Variants in DOT1L observed in about 807,000 individuals in gnomAD.
DOT1L encodes the protein DOT1 like histone lysine methyltransferase.
Under a neutral mutation model 153.3 loss-of-function variants are expected in DOT1L, and 33 were observed. The observed-to-expected ratio is 0.22, with a 90% CI of 0.16 to 0.29. The LOEUF (loss-of-function observed/expected upper bound fraction) is 0.29. Ranked by LOEUF, DOT1L falls within the 10% of genes least tolerant of loss-of-function variation. The pLI is 1.00. For synonymous variants in DOT1L, 1,135 were observed against 965.1 expected, an observed-to-expected ratio of 1.18 and a Z score of -3.26; for missense variants, 1,847 against 2,119.9, an observed-to-expected ratio of 0.87 and a Z score of 2.53.
At chr19:2,165,980 C>T (rs2019903286) in intron 1 of DOT1L, among the ~76,000 whole-genome samples, 1 of 152,178 alleles carries the variant, frequency 6.6e-6, no homozygotes, top group East Asian at 1.9e-4. Flanking sequence ...CCGTGTTAGC[C>T]AGGATGGTCT....
At position 2,220,153 on chromosome 19, in the gene DOT1L, A is replaced by T. The variant is rs367745383; in HGVS notation, c.2737A>T (p.Thr913Ser). The change falls in exon 23 of 28, where the codon ACA (threonine) becomes TCA (serine). Residue 913 changes from threonine to serine, a missense_variant. This residue lies in a region of DOT1L where 68 missense variants were observed against 80.7 expected (regional missense o/e 0.84). Coordinates refer to ENST00000398665, the MANE Select transcript of DOT1L (RefSeq NM_032482.3). This position sits in a 1 kb window ranked among gnomAD's most constrained non-coding sequence, Gnocchi z 4.5. ...PVLQPRDPSSTLEKQIGANAH... is the reference protein window; with the variant it reads ...PVLQPRDPSSSLEKQIGANAH... ...GCTGCAGCCCCGTGACCCCTCGTCC[A>T]CACTTGAAAAGCAGATTGGTGCTAA... is the stretch of plus-strand genomic sequence containing the variant. 5.6e-6 allele frequency: 9 copies of T among 1,613,466 alleles called. No homozygotes were observed. Among genetic ancestry groups the T allele is most frequent in the Non-Finnish European group, 7.6e-6 (9 of 1,179,852 alleles).
At chr19:2,173,282 C>T (rs991385485) in intron 1 of DOT1L, among the ~76,000 whole-genome samples, 4 of 152,166 alleles carry the variant, frequency 2.6e-5, no homozygotes, top group African/African-American at 4.8e-5. Flanking sequence ...GCTAGAGGGT[C>T]GGTGTCTGTC....
chr19:2,202,746 C>A lies in DOT1L; in HGVS notation c.754C>A (p.Gln252Lys), dbSNP rs2023339907. The change falls in exon 9 of 28, where the codon CAG becomes AAG. Residue 252 changes from glutamine to lysine, a missense_variant. This residue lies in a region of DOT1L where 148 missense variants were observed against 422.3 expected (regional missense o/e 0.35). Transcript: ENST00000398665. ...NFAFGPEVDHQLKERFANMKE... is the reference protein window; with the variant it reads ...NFAFGPEVDHKLKERFANMKE... The stretch of plus-strand genomic sequence containing the variant: ...TGCCTTTGGTCCTGAGGTGGATCAC[C>A]AGCTGAAGGAGCGGTTTGCAAACAT... The A allele has an allele frequency of 6.2e-7, 1 of 1,614,200 alleles. No individual in the cohort carries two copies. Among genetic ancestry groups the A allele is most frequent in the Non-Finnish European group, 8.5e-7 (1 of 1,180,032 alleles).
chr19:2,205,511 G>A (rs1045608696), intron 9 of DOT1L, among the ~76,000 whole-genome samples: 1 of 152,172 alleles, frequency 6.6e-6, no homozygotes, highest in Non-Finnish European at 1.5e-5. Context: ...GAGGCTGAAG[G>A]TGTCCATCCG....
intron 27 of DOT1L, chr19:2,228,915 C>A: frequency 1.0e-6 from 1 of 985,434 alleles, no homozygotes; most frequent in Non-Finnish European, 1.2e-6. Flanking sequence ...CATAGGGAGC[C>A]AGTGAAGCCC....
At chr19:2,179,076 G>C (rs544812496) in intron 1 of DOT1L, among the ~76,000 whole-genome samples, 1 of 152,250 alleles carries the variant, frequency 6.6e-6, no homozygotes, top group East Asian at 1.9e-4. Context: ...GGAAAGCTGG[G>C]GGGGGGTCTC....
rs2022907463 is a variant in DOT1L at position 2,193,973 on chromosome 19, A to G, written c.588+190A>G. The stretch of plus-strand genomic sequence containing the variant: ...TGCCCGATCGCCCTCACGGCCCATT[A>G]CAGGCCGGCCCTCCAGGCCTGTCCA... On this transcript the variant is annotated intron_variant, in intron 6 of 27. Coordinates refer to ENST00000398665, the MANE Select transcript of DOT1L (RefSeq NM_032482.3). This position sits in a 1 kb window ranked among gnomAD's most constrained non-coding sequence, Gnocchi z 5.9. 6.6e-6 allele frequency among the ~76,000 whole-genome samples: 1 copy of G among 152,006 alleles called. No individual in the cohort carries two copies. Among genetic ancestry groups the G allele is most frequent in the South Asian group, 2.1e-4 (1 of 4,814 alleles).
At chr19:2,180,793 C>G (rs763237357) in intron 2 of DOT1L, 37 bp downstream of exon 2, 1 of 1,612,356 alleles carries the variant, frequency 6.2e-7, no homozygotes, top group East Asian at 2.2e-5. Context: ...TCTTCACAGC[C>G]CTGAGCCACT....
At chr19:2,169,333 C>G (rs924883785) in intron 1 of DOT1L, among the ~76,000 whole-genome samples, 1 of 152,090 alleles carries the variant, frequency 6.6e-6, no homozygotes, top group Non-Finnish European at 1.5e-5. Context: ...GTAAAGGAGT[C>G]GCTTTAAATA....
intron 16 of DOT1L, chr19:2,213,310 G>GCA (rs2023778680): frequency 2.1e-6 from 1 of 487,344 alleles, no homozygotes; most frequent in African/African-American, 1.9e-5. Flanking sequence ...GGTGGCAGGT[G>GCA]CAGTCCCTCC....
Position 2,225,415 on chromosome 19 carries a change from C to T in DOT1L, c.3624C>T (p.Ser1208=), listed in dbSNP as rs372334546. Residue 1208 remains serine (S), a synonymous_variant, in exon 26 of 28, where the codon TCC becomes TCT. Transcript: ENST00000398665. ...TTGAGAGAAAAATTGCAACAATCTC[C>T]TTAGAAAGCAAATCTCCCCCGAAAA... ...ARIERKIATI[S]LESKSPPKTL... The T allele has an allele frequency of 1.4e-5, 22 of 1,614,164 alleles. No homozygotes were observed. The Middle Eastern group carries it at 4.9e-4, about 36-fold the overall frequency.
At chr19:2,199,698 C>T (rs1474736785) in intron 7 of DOT1L, among the ~76,000 whole-genome samples, 186 bp from the exon 8 acceptor site, 2 of 152,208 alleles carry the variant, frequency 1.3e-5, no homozygotes, top group Admixed American at 6.5e-5. Context: ...CCGTTCTCTG[C>T]GCATCCCTCT....
In DOT1L at chr19:2,207,500, C is replaced by T; in HGVS notation, c.857-74C>T. On this transcript the variant is annotated intron_variant, in intron 10 of 27. Coordinates refer to ENST00000398665, the MANE Select transcript of DOT1L (RefSeq NM_032482.3). The surrounding 1 kb of genome is among the most constrained non-coding windows in gnomAD (Gnocchi z 4.5). The stretch of plus-strand genomic sequence containing the variant: ...CTCAGGCTTCTGTCCCCACGCCTGC[C>T]CTGGGGTGGGTGAGGTCTGCATGGA... 1 of 1,311,852 alleles carries T rather than the reference C, an allele frequency of 7.6e-7. No homozygotes were observed. Among genetic ancestry groups the T allele is most frequent in the South Asian group, 1.3e-5 (1 of 77,788 alleles). 81.3% of individuals were successfully genotyped at this position (1,311,852 alleles called of 1,614,324 possible).
At position 2,231,931 on chromosome 19, in the gene DOT1L, C is replaced by T. The variant is rs1011737574; in HGVS notation, c.*2139C>T. 1 of 216,186 alleles carries T rather than the reference C, an allele frequency of 4.6e-6. No homozygotes were observed. Among genetic ancestry groups the T allele is most frequent in the African/African-American group, 2.3e-5 (1 of 44,296 alleles). The allele number at this position is 216,186 out of a possible 1,614,324, so 13.4% of individuals were successfully genotyped here. A position where few individuals can be genotyped will look rare whatever the true frequency, so the allele number is the denominator to read the frequency against. On this transcript the variant is annotated 3_prime_UTR_variant, in exon 28 of 28. Transcript: ENST00000398665. ...GGCCCAGGCAGAAGTCTCCTTGAGC[C>T]CACTGGGTCATATGCGTGTCACCAC...
Position 2,213,929 on chromosome 19 carries a change from G to A in DOT1L, c.1740G>A (p.Glu580=), listed in dbSNP as rs1346719916. 1 of 1,613,052 alleles carries A rather than the reference G, an allele frequency of 6.2e-7. No homozygotes were observed. The highest frequency in any genetic ancestry group is 8.5e-7 in the Non-Finnish European group (1 of 1,180,038). ...EISAHNQQLR[E]QSEQLEQDNR... ...CCGCCCATAACCAGCAGCTGCGGGA[G>A]CAGTCGGAGCAGCTGGAGCAGGACA... Residue 580 remains glutamate (E), a synonymous_variant, in exon 18 of 28, where the codon GAG becomes GAA. Coordinates refer to ENST00000398665, the MANE Select transcript of DOT1L (RefSeq NM_032482.3).
At chr19:2,218,848 C>G (rs993674350) in intron 22 of DOT1L, among the ~76,000 whole-genome samples, 3 of 152,076 alleles carry the variant, frequency 2.0e-5, no homozygotes, top group South Asian at 2.1e-4. Flanking sequence ...AGGTGCCCAC[C>G]ACCACGCCCG....
At chr19:2,228,874 G>C in intron 27 of DOT1L, 1 of 985,424 alleles carries the variant, frequency 1.0e-6, no homozygotes, top group Non-Finnish European at 1.2e-6. Flanking sequence ...CCTCTGGTCG[G>C]GGCTGTCTGG....
chr19:2,210,893 A>C (rs2023685589), intron 14 of DOT1L, 38 bp downstream of exon 14: 1 of 1,601,788 alleles, frequency 6.2e-7, no homozygotes. Context: ...GCTCTCCCCG[A>C]GTGCGGATGC....
At chr19:2,184,879 TTTAAGGGA>T (rs1486274956) in intron 2 of DOT1L, among the ~76,000 whole-genome samples, 1 of 152,140 alleles carries the variant, frequency 6.6e-6, no homozygotes, top group Non-Finnish European at 1.5e-5. Context: ...TCCTCACGTT[TTTAAGGGA>T]TAGTGGGGTG....
Sources: gnomAD v4.1 joint callset for allele counts (sites outside exome capture counted in the v4.1 genomes callset) on GRCh38, gnomAD v4.1.1 for gene constraint, gnomAD v4.1.1 regional missense constraint, Gnocchi (gnomAD v3.1) non-coding constraint, MANE v1.5 for transcripts, NCBI Gene and HGNC (gene_info 2026-07-23, HGNC 2026-07-21) for gene names.